The following SH3BGRL2 variants were observed in gnomAD, a reference collection of about 807,000 sequenced individuals.
SH3BGRL2 encodes the protein SH3 domain-binding glutamic acid-rich-like protein 2.
SH3BGRL2 carries 21 observed loss-of-function variants against 14.8 expected under a neutral mutation model. That is an observed-to-expected ratio of 1.42 (90% CI 1.01 to 2.05). The LOEUF (loss-of-function observed/expected upper bound fraction) is 2.05. Ranked by LOEUF, SH3BGRL2 falls within the 30% of genes most tolerant of loss-of-function variation. The probability of loss-of-function intolerance (pLI) is 0.00; values close to 1 mark genes in which losing one functional copy is unlikely to be tolerated. For missense variants in SH3BGRL2, 147 were observed against 130.8 expected, an observed-to-expected ratio of 1.12 and a Z score of -0.61; for synonymous variants, 50 against 47.8, an observed-to-expected ratio of 1.05 and a Z score of -0.19.
chr6:79,591,498 C>T, the SH3BGRL2 span, among the ~76,000 whole-genome samples: 32 of 152,296 alleles, frequency 2.1e-4, no homozygotes, highest in African/African-American at 7.2e-4. Context: ...ACCTCCGCCT[C>T]CTGGGTGCAA....
chr6:79,694,613 C>T (rs1239223720), intron 2 of SH3BGRL2, among the ~76,000 whole-genome samples: 1 of 152,186 alleles, frequency 6.6e-6, no homozygotes, highest in East Asian at 1.9e-4. Flanking sequence ...ATCTTCTTTA[C>T]TCAATGTTTC....
the SH3BGRL2 span, among the ~76,000 whole-genome samples, chr6:79,614,051 TC>T: frequency 6.6e-6 from 1 of 152,062 alleles, no homozygotes; most frequent in Non-Finnish European, 1.5e-5. Context: ...CACCTGCCAG[TC>T]CCTGTAGTGA....
intron 1 of SH3BGRL2, among the ~76,000 whole-genome samples, chr6:79,641,459 C>A (rs763273043): frequency 1.1e-4 from 16 of 152,148 alleles, no homozygotes; most frequent in Non-Finnish European, 2.4e-4. Context: ...TCTGTCCTGG[C>A]TATGGCAATC....
the SH3BGRL2 span, among the ~76,000 whole-genome samples, chr6:79,603,905 A>G: frequency 2.0e-5 from 3 of 152,102 alleles, no homozygotes; most frequent in African/African-American, 7.2e-5. Flanking sequence ...CCTGGGTTCA[A>G]GCAATTCTCC....
At chr6:79,563,031 C>G in the SH3BGRL2 span, among the ~76,000 whole-genome samples, 1 of 152,204 alleles carries the variant, frequency 6.6e-6, no homozygotes, top group Admixed American at 6.5e-5. Context: ...TCTGGGCTCA[C>G]TGCAAGCTCC....
At chr6:79,641,148 TTTTGTGTGTG>T in intron 1 of SH3BGRL2, among the ~76,000 whole-genome samples, 1 of 114,400 alleles carries the variant, frequency 8.7e-6, no homozygotes, top group Non-Finnish European at 1.8e-5. Context: ...TCTCTCACCC[TTTTGTGTGTG>T]TGTGTGTGTG....
chr6:79,662,382 T>G (rs1769569640), intron 1 of SH3BGRL2, among the ~76,000 whole-genome samples: 1 of 152,182 alleles, frequency 6.6e-6, no homozygotes, highest in Non-Finnish European at 1.5e-5. Flanking sequence ...CTGTAAAGGA[T>G]TTTATTTCTC....
At chr6:79,553,250 G>A in the SH3BGRL2 span, 1 of 152,146 alleles carries the variant, frequency 6.6e-6, no homozygotes, top group Non-Finnish European at 1.5e-5. Flanking sequence ...CAAAAATGTA[G>A]GATGTTAAGG....
intron 1 of SH3BGRL2, among the ~76,000 whole-genome samples, chr6:79,645,813 T>C (rs1582716321): frequency 6.6e-6 from 1 of 152,190 alleles, no homozygotes; most frequent in Non-Finnish European, 1.5e-5. Context: ...TATTTGATTC[T>C]TTGGAGAGGT....
chr6:79,629,507 A>C (rs1427243963), upstream of SH3BGRL2, among the ~76,000 whole-genome samples: 1 of 152,208 alleles, frequency 6.6e-6, no homozygotes, highest in African/African-American at 2.4e-5. Context: ...CAGATAACCC[A>C]GTGAGAAAGT....
intron 1 of SH3BGRL2, among the ~76,000 whole-genome samples, chr6:79,667,419 A>C (rs953385195): frequency 1.3e-5 from 2 of 150,320 alleles, no homozygotes; most frequent in Admixed American, 6.7e-5. Context: ...CTGAACTCAA[A>C]ATATGTAAGG....
In SH3BGRL2 at chr6:79,671,397, C is replaced by A. The variant is rs530430767; in HGVS notation, c.46-2217C>A. Among the ~76,000 whole-genome samples the A allele has an allele frequency of 4.6e-5, 7 of 152,092 alleles. No individual in the cohort carries two copies. The South Asian group carries it at 1.2e-3, about 27-fold the overall frequency. On this transcript the variant is annotated intron_variant, in intron 1 of 3. Transcript: ENST00000369838. ...CCGGGAGGCGGAGGTTGAGGTGAGC[C>A]AAGATCACACCTTTGCATTCCAGCC...
At chr6:79,662,001 G>A (rs952065227) in intron 1 of SH3BGRL2, among the ~76,000 whole-genome samples, 1 of 152,008 alleles carries the variant, frequency 6.6e-6, no homozygotes, top group African/African-American at 2.4e-5. Context: ...TTGCTTGGTA[G>A]ATCTTCCTCC....
At chr6:79,589,837 T>A in the SH3BGRL2 span, among the ~76,000 whole-genome samples, 58 of 152,286 alleles carry the variant, frequency 3.8e-4, no homozygotes, top group African/African-American at 1.4e-3. Context: ...GCAGTGGCAA[T>A]CTCAGCTCGC....
chr6:79,681,101 A>G (rs147236428), intron 2 of SH3BGRL2, among the ~76,000 whole-genome samples: 12 of 152,292 alleles, frequency 7.9e-5, no homozygotes, highest in African/African-American at 2.6e-4. Flanking sequence ...GTGCAGTTTG[A>G]CTGAGGATGC....
chr6:79,606,683 A>G, the SH3BGRL2 span, among the ~76,000 whole-genome samples: 1 of 152,218 alleles, frequency 6.6e-6, no homozygotes, highest in Non-Finnish European at 1.5e-5. Flanking sequence ...TAAACTCAGG[A>G]TAATTTCCTT....
chr6:79,694,274 A>C (rs1770285842), intron 2 of SH3BGRL2, among the ~76,000 whole-genome samples: 1 of 152,246 alleles, frequency 6.6e-6, no homozygotes, highest in Non-Finnish European at 1.5e-5. Flanking sequence ...GATGGAACAA[A>C]TCTAGCTGTA....
chr6:79,681,433 G>T (rs1435199939), intron 2 of SH3BGRL2, among the ~76,000 whole-genome samples: 4 of 152,120 alleles, frequency 2.6e-5, no homozygotes, highest in Admixed American at 2.6e-4. Flanking sequence ...GTGATTTGGG[G>T]CTAACTGCCT....
chr6:79,656,727 G>A (rs183118608), intron 1 of SH3BGRL2, among the ~76,000 whole-genome samples: 4 of 152,298 alleles, frequency 2.6e-5, no homozygotes, highest in Non-Finnish European at 4.4e-5. Context: ...TAGAGTATAA[G>A]GGAGGATATG....
Sources: gnomAD v4.1 joint callset for allele counts (sites outside exome capture counted in the v4.1 genomes callset) on GRCh38, gnomAD v4.1.1 for gene constraint, MANE v1.5 for transcripts, NCBI Gene and HGNC (gene_info 2026-07-23, HGNC 2026-07-21) for gene names.